The following NXPE2 variants were observed in gnomAD, a reference collection of about 807,000 sequenced individuals.
The protein encoded by NXPE2 is neurexophilin and PC-esterase domain family member 2.
In NXPE2, 34 loss-of-function variants were observed where a neutral mutation model predicts 34.4. The observed-to-expected ratio is 0.99, with a 90% CI of 0.75 to 1.31. The LOEUF (loss-of-function observed/expected upper bound fraction) is 1.31, where lower values mean the gene tolerates loss of function less well. Among genes scored for constraint, NXPE2 ranks in the 40% most tolerant of loss-of-function variants. The pLI, the probability that NXPE2 is intolerant of heterozygous loss-of-function variation, is 0.00. For synonymous variants in NXPE2, 235 were observed against 231.3 expected (o/e 1.02, Z -0.15); for missense variants, 649 against 672.5 (o/e 0.97, Z 0.39).
chr11:114,752,153 T>A, the NXPE2 span, among the ~76,000 whole-genome samples: 1 of 152,192 alleles, frequency 6.6e-6, no homozygotes, highest in Non-Finnish European at 1.5e-5. Context: ...AAGAACCATG[T>A]GGATATTTCA....
At chr11:114,499,338 T>C in the NXPE2 span, among the ~76,000 whole-genome samples, 1 of 152,162 alleles carries the variant, frequency 6.6e-6, no homozygotes, top group African/African-American at 2.4e-5. Flanking sequence ...ATTTATCAAA[T>C]CTATTTTTAT....
chr11:114,805,410 CA>C, the NXPE2 span, among the ~76,000 whole-genome samples: 1 of 152,158 alleles, frequency 6.6e-6, no homozygotes, highest in Non-Finnish European at 1.5e-5. Flanking sequence ...CCGGGAAGCA[CA>C]AGGGGTCAGG....
At chr11:114,627,664 T>C in the NXPE2 span, among the ~76,000 whole-genome samples, 1 of 151,700 alleles carries the variant, frequency 6.6e-6, no homozygotes, top group Non-Finnish European at 1.5e-5. Flanking sequence ...AATTCACACA[T>C]AACAATATTA....
chr11:114,663,995 T>C, the NXPE2 span, among the ~76,000 whole-genome samples: 1 of 152,160 alleles, frequency 6.6e-6, no homozygotes, highest in African/African-American at 2.4e-5. Flanking sequence ...CAGTTTCTTA[T>C]AATGTTAAAA....
At chr11:114,470,581 A>ATGTG in the NXPE2 span, among the ~76,000 whole-genome samples, 11 of 98,810 alleles carry the variant, frequency 1.1e-4, no homozygotes, top group Admixed American at 5.9e-4. Flanking sequence ...AAAAGAATTG[A>ATGTG]CGTGTGTGTG....
chr11:114,560,909 C>T, the NXPE2 span, among the ~76,000 whole-genome samples: 1 of 152,150 alleles, frequency 6.6e-6, no homozygotes, highest in Non-Finnish European at 1.5e-5. Flanking sequence ...TTTCTCTTAG[C>T]GATACGGATT....
the NXPE2 span, among the ~76,000 whole-genome samples, chr11:114,772,454 G>C: frequency 6.6e-6 from 1 of 152,214 alleles, no homozygotes; most frequent in Admixed American, 6.5e-5. Flanking sequence ...TTGGGTGATA[G>C]GCAACGTTTT....
chr11:114,701,210 T>A (rs755694589), intron 3 of NXPE2, among the ~76,000 whole-genome samples: 1 of 152,232 alleles, frequency 6.6e-6, no homozygotes, highest in East Asian at 1.9e-4. Flanking sequence ...CTCAGAATTA[T>A]GTCTTAAGTC....
chr11:114,579,079 G>A, the NXPE2 span, among the ~76,000 whole-genome samples: 1 of 152,170 alleles, frequency 6.6e-6, no homozygotes, highest in Non-Finnish European at 1.5e-5. Context: ...CTTGCAGGCT[G>A]TACAAGCATG....
chr11:114,569,744 A>G, the NXPE2 span, among the ~76,000 whole-genome samples: 1 of 152,208 alleles, frequency 6.6e-6, no homozygotes, highest in Non-Finnish European at 1.5e-5. Context: ...CTCAGCCTCC[A>G]AATGAAGAAG....
the NXPE2 span, among the ~76,000 whole-genome samples, chr11:114,489,430 T>C: frequency 3.3e-5 from 5 of 152,194 alleles, no homozygotes; most frequent in African/African-American, 1.2e-4. Flanking sequence ...ACCAATATCC[T>C]TGATGAACAT....
At chr11:114,665,534 T>G in the NXPE2 span, among the ~76,000 whole-genome samples, 1 of 152,198 alleles carries the variant, frequency 6.6e-6, no homozygotes, top group Admixed American at 6.6e-5. Context: ...CAAAGAGTTA[T>G]GTACCTTTTA....
chr11:114,692,151 CT>C (rs1279446656), intron 2 of NXPE2, among the ~76,000 whole-genome samples: 1 of 152,222 alleles, frequency 6.6e-6, no homozygotes, highest in Non-Finnish European at 1.5e-5. Flanking sequence ...CCTAAAATGT[CT>C]GCTGTGGTCA....
chr11:114,728,206 C>A, the NXPE2 span, among the ~76,000 whole-genome samples: 3 of 152,162 alleles, frequency 2.0e-5, no homozygotes, highest in Non-Finnish European at 2.9e-5. Context: ...ATTACGTTAG[C>A]CTCAATTGGA....
At chr11:114,586,067 T>A in the NXPE2 span, among the ~76,000 whole-genome samples, 1 of 152,344 alleles carries the variant, frequency 6.6e-6, no homozygotes, top group Admixed American at 6.5e-5. Context: ...CTTTGTGTGC[T>A]ATGCAAATGT....
At chr11:114,505,400 G>T in the NXPE2 span, among the ~76,000 whole-genome samples, 2 of 152,182 alleles carry the variant, frequency 1.3e-5, no homozygotes, top group East Asian at 1.9e-4. Flanking sequence ...TTCACAAAAA[G>T]ATTATCCCCA....
intron 3 of NXPE2, among the ~76,000 whole-genome samples, chr11:114,702,138 A>T (rs753475763): frequency 6.6e-6 from 1 of 152,212 alleles, no homozygotes; most frequent in Non-Finnish European, 1.5e-5. Context: ...AAAAACATAA[A>T]TGAGGAGTTA....
At chr11:114,642,420 C>G in the NXPE2 span, among the ~76,000 whole-genome samples, 1 of 151,944 alleles carries the variant, frequency 6.6e-6, no homozygotes, top group African/African-American at 2.4e-5. Flanking sequence ...CTATCCCTCC[C>G]CACTCCCCCC....
At chr11:114,486,463 G>A in the NXPE2 span, among the ~76,000 whole-genome samples, 2 of 152,070 alleles carry the variant, frequency 1.3e-5, no homozygotes, top group Non-Finnish European at 2.9e-5. Flanking sequence ...TCTTCACTTT[G>A]TGGATTGTTT....
Sources: gnomAD v4.1 joint callset for allele counts (sites outside exome capture counted in the v4.1 genomes callset) on GRCh38, gnomAD v4.1.1 for gene constraint, MANE v1.5 for transcripts, NCBI Gene and HGNC (gene_info 2026-07-23, HGNC 2026-07-21) for gene names.